The following GALNT2 variants were observed in gnomAD, a reference collection of about 807,000 sequenced individuals.
The protein encoded by GALNT2 is polypeptide N-acetylgalactosaminyltransferase 2.
Under a neutral mutation model 81.4 loss-of-function variants are expected in GALNT2, and 31 were observed. The observed-to-expected ratio is 0.38, with a 90% confidence interval of 0.29 to 0.51. The LOEUF (loss-of-function observed/expected upper bound fraction) is 0.51. GALNT2 is among the 20% of genes least tolerant of loss of function. GALNT2 has a pLI of 0.87. For synonymous variants in GALNT2, 303 were observed against 287.4 expected, an observed-to-expected ratio of 1.05 and a Z score of -0.55; for missense variants, 629 against 765.7, an observed-to-expected ratio of 0.82 and a Z score of 2.11.
At chr1:230,132,920 A>C (rs1336858466) in intron 1 of GALNT2, among the ~76,000 whole-genome samples, 1 of 152,224 alleles carries the variant, frequency 6.6e-6, no homozygotes. Flanking sequence ...CATATTAATT[A>C]TAAAAATACA....
At chr1:230,170,450 A>T (rs1165222720) in intron 1 of GALNT2, among the ~76,000 whole-genome samples, 1 of 152,228 alleles carries the variant, frequency 6.6e-6, no homozygotes, top group African/African-American at 2.4e-5. Flanking sequence ...TTTATTAAGA[A>T]GCAAAAACTG....
At chr1:230,220,626 GA>G (rs1429327363) in intron 3 of GALNT2, among the ~76,000 whole-genome samples, 1 of 152,076 alleles carries the variant, frequency 6.6e-6, no homozygotes, top group Non-Finnish European at 1.5e-5. Context: ...TGCTTTTATG[GA>G]ATCACTCAGT....
intron 14 of GALNT2, 107 bp downstream of exon 14, chr1:230,265,474 A>T: frequency 6.7e-7 from 1 of 1,499,786 alleles, no homozygotes; most frequent in Non-Finnish European, 9.2e-7. Flanking sequence ...GGGATGGGTG[A>T]TGTCTATGAG....
rs148190438 is a variant in GALNT2 at position 230,151,763 on chromosome 1, G to A, written c.127-26455G>A. ...TCAAGAAAGAATTCAGAGCAAGTCC[G>A]TAGTGCAAAGTGAAAAGTTTATTAC... On this transcript the variant is annotated intron_variant, in intron 1 of 15. Transcript: ENST00000366672. Among the ~76,000 whole-genome samples the A allele has an allele frequency of 2.7e-3, 249 of 91,166 alleles. 1 individual carries two copies. Among genetic ancestry groups the A allele is most frequent in the African/African-American group, 0.01 (234 of 22,508 alleles). 59.8% of individuals were successfully genotyped at this position (91,166 alleles called of 152,430 possible).
chr1:230,213,689 A>T (rs1276554006), intron 3 of GALNT2, among the ~76,000 whole-genome samples: 1 of 152,028 alleles, frequency 6.6e-6, no homozygotes, highest in Non-Finnish European at 1.5e-5. Context: ...TCTTAGTTCC[A>T]CCTGCTTTGT....
At chr1:230,276,888 G>A (rs896578866) in intron 15 of GALNT2, among the ~76,000 whole-genome samples, 4 of 152,188 alleles carry the variant, frequency 2.6e-5, no homozygotes, top group Non-Finnish European at 5.9e-5. Flanking sequence ...GGCATCTGCT[G>A]AGCCAAGTAC....
At chr1:230,267,235 GT>G (rs1666061308) in intron 14 of GALNT2, among the ~76,000 whole-genome samples, 1 of 152,218 alleles carries the variant, frequency 6.6e-6, no homozygotes, top group South Asian at 2.1e-4. Context: ...TTGTTGGAGG[GT>G]TTTTTACTTG....
In GALNT2 at chr1:230,132,743, AT is replaced by A. The variant is rs566914276; in HGVS notation, c.127-45474del. Among the ~76,000 whole-genome samples the A allele has an allele frequency of 1.2e-4, 18 of 152,370 alleles. No individual in the cohort carries two copies. The East Asian group carries it at 3.3e-3, about 28-fold the overall frequency. On this transcript the variant is annotated intron_variant, in intron 1 of 15. Transcript: ENST00000366672. ...AAAAATGTGACTATTTTGTTGCAAA[AT>A]AAAGGACTGCTATATTAGTTGTTTC... is the stretch of plus-strand genomic sequence containing the variant.
At chr1:230,068,313 G>A (rs1404765924) in intron 1 of GALNT2, among the ~76,000 whole-genome samples, 1 of 152,246 alleles carries the variant, frequency 6.6e-6, no homozygotes, top group Non-Finnish European at 1.5e-5. Flanking sequence ...AGAGGAGCCG[G>A]GACAGCGCGG....
At chr1:230,082,775 A>G (rs1228364937) in intron 1 of GALNT2, among the ~76,000 whole-genome samples, 1 of 152,108 alleles carries the variant, frequency 6.6e-6, no homozygotes, top group Non-Finnish European at 1.5e-5. Context: ...CCAGGCTGAT[A>G]CATCAGGGGA....
chr1:230,077,367 T>A (rs942816156), intron 1 of GALNT2, among the ~76,000 whole-genome samples: 3 of 152,238 alleles, frequency 2.0e-5, no homozygotes, highest in African/African-American at 7.2e-5. Context: ...ATCACTAATT[T>A]CCCCTGTGTC....
chr1:230,075,006 C>G (rs1187241968), intron 1 of GALNT2, among the ~76,000 whole-genome samples: 1 of 151,736 alleles, frequency 6.6e-6, no homozygotes, highest in African/African-American at 2.4e-5. Context: ...TCCCATGCCC[C>G]TTCCTTGCAT....
At chr1:230,269,890 A>G (rs533414530) in intron 14 of GALNT2, among the ~76,000 whole-genome samples, 1 of 152,120 alleles carries the variant, frequency 6.6e-6, no homozygotes, top group Non-Finnish European at 1.5e-5. Flanking sequence ...GAGTGAGACC[A>G]TGTTCCTAAA....
At chr1:230,111,832 A>C (rs1660712937) in intron 1 of GALNT2, among the ~76,000 whole-genome samples, 1 of 152,180 alleles carries the variant, frequency 6.6e-6, no homozygotes, top group African/African-American at 2.4e-5. Flanking sequence ...TGGACCTGAA[A>C]TCTGGCTGCA....
intron 1 of GALNT2, among the ~76,000 whole-genome samples, chr1:230,068,204 T>G (rs3124555): frequency 6.6e-6 from 1 of 152,228 alleles, no homozygotes; most frequent in African/African-American, 2.4e-5. Flanking sequence ...CCGAGTGATC[T>G]GGCTGTGGGG....
At chr1:230,088,445 G>A (rs1274085397) in intron 1 of GALNT2, among the ~76,000 whole-genome samples, 1 of 151,048 alleles carries the variant, frequency 6.6e-6, no homozygotes, top group Non-Finnish European at 1.5e-5. Flanking sequence ...CATTTTTATT[G>A]AGGTGAAATT....
At chr1:230,254,074 T>C (rs1665631795) in intron 10 of GALNT2, among the ~76,000 whole-genome samples, 1 of 152,212 alleles carries the variant, frequency 6.6e-6, no homozygotes, top group Non-Finnish European at 1.5e-5. Context: ...AAAATTCCCT[T>C]TTGTATTATA....
chr1:230,100,599 T>C (rs1262649895), intron 1 of GALNT2, among the ~76,000 whole-genome samples: 1 of 152,228 alleles, frequency 6.6e-6, no homozygotes, highest in Admixed American at 6.5e-5. Context: ...GTGCTGGGAT[T>C]ACAGGCGTGA....
chr1:230,058,037 T>G, exon 1 of GALNT2: 1 of 456,230 alleles, frequency 2.2e-6, no homozygotes, highest in Non-Finnish European at 4.4e-6. Context: ...CTATGTGGAA[T>G]GTGGACAGGG....
Sources: allele counts gnomAD v4.1 joint callset (sites outside exome capture counted in the v4.1 genomes callset), GRCh38; gene constraint gnomAD v4.1.1; transcripts MANE v1.5; gene names NCBI Gene and HGNC (gene_info 2026-07-23, HGNC 2026-07-21).